The following PCSK2 variants were observed in gnomAD, a reference collection of about 807,000 sequenced individuals.
PCSK2 encodes neuroendocrine convertase 2.
In PCSK2, 14 loss-of-function variants were observed where a neutral mutation model predicts 69.7. The observed-to-expected ratio is 0.20, with a 90% CI of 0.13 to 0.31. PCSK2 has a LOEUF of 0.31. PCSK2 is among the 10% of genes least tolerant of loss of function. PCSK2 has a pLI of 1.00. For missense variants in PCSK2, 544 were observed against 842.5 expected (o/e 0.65, Z 4.39); for synonymous variants, 307 against 320.7 (o/e 0.96, Z 0.46).
At chr20:17,233,583 TCTGA>T (rs1279951787) in intron 1 of PCSK2, among the ~76,000 whole-genome samples, 1 of 152,146 alleles carries the variant, frequency 6.6e-6, no homozygotes, top group Non-Finnish European at 1.5e-5. Context: ...CCTCAGGAAA[TCTGA>T]CTGGCTAGTT....
At chr20:17,263,078 A>T in intron 2 of PCSK2, 1 of 914,066 alleles carries the variant, frequency 1.1e-6, no homozygotes, top group Non-Finnish European at 1.3e-6. Flanking sequence ...TCATCTACTG[A>T]GGTAGCTTTT....
chr20:17,326,303 CAG>C (rs1246384578), intron 2 of PCSK2, among the ~76,000 whole-genome samples: 1 of 152,128 alleles, frequency 6.6e-6, no homozygotes, highest in Non-Finnish European at 1.5e-5. Context: ...CTGTCAGAGA[CAG>C]TACTTGTCAA....
chr20:17,446,196 A>G (rs1350149799), intron 8 of PCSK2, among the ~76,000 whole-genome samples: 1 of 152,238 alleles, frequency 6.6e-6, no homozygotes, highest in Admixed American at 6.5e-5. Flanking sequence ...ATAACACAGG[A>G]TTCTGACCTC....
chr20:17,470,120 C>T lies in PCSK2; in HGVS notation c.1430+4567C>T, dbSNP rs73251902. On this transcript the variant is annotated intron_variant, in intron 11 of 11. Coordinates refer to ENST00000262545, the MANE Select transcript of PCSK2 (RefSeq NM_002594.5). ...CATAACTAACTTTACCCAAAGTCAACATGAAATGGGCGTTGACAACTGTTT... is the reference window on the plus strand; with the variant it reads ...CATAACTAACTTTACCCAAAGTCAATATGAAATGGGCGTTGACAACTGTTT... Among the ~76,000 whole-genome samples, 1,493 of 152,320 alleles carry T rather than the reference C, an allele frequency of 9.8e-3. 21 individuals carry two copies. The highest frequency in any genetic ancestry group is 0.034 in the African/African-American group (1,417 of 41,554).
At chr20:17,380,229 A>T (rs1484818802) in intron 5 of PCSK2, among the ~76,000 whole-genome samples, 2 of 152,264 alleles carry the variant, frequency 1.3e-5, no homozygotes, top group Non-Finnish European at 2.9e-5. Context: ...CTTCTTGATT[A>T]TAGTGGATAT....
intron 1 of PCSK2, among the ~76,000 whole-genome samples, chr20:17,251,057 A>G (rs1203941720): frequency 2.0e-5 from 3 of 152,118 alleles, no homozygotes; most frequent in Non-Finnish European, 4.4e-5. Context: ...CCAAGATTGC[A>G]CCACTGCACT....
At chr20:17,449,511 T>C (rs6131956) in intron 8 of PCSK2, among the ~76,000 whole-genome samples, 3,858 of 120,400 alleles carry the variant, frequency 0.032, 161 homozygotes, top group East Asian at 0.2. Flanking sequence ...AATATACATA[T>C]ATATATGTAT....
At chr20:17,362,706 C>T (rs1008117249) in intron 4 of PCSK2, among the ~76,000 whole-genome samples, 1 of 152,232 alleles carries the variant, frequency 6.6e-6, no homozygotes, top group African/African-American at 2.4e-5. Context: ...GCACCGGTAA[C>T]TCTGCCACTT....
At chr20:17,372,385 T>TAATA (rs58399065) in intron 5 of PCSK2, among the ~76,000 whole-genome samples, 25,055 of 141,754 alleles carry the variant, frequency 0.18, 2,247 homozygotes, top group Middle Eastern at 0.27. Context: ...TCTTGAAAAA[T>TAATA]AATAAATAAA....
At chr20:17,267,851 G>T (rs1456255631) in intron 2 of PCSK2, among the ~76,000 whole-genome samples, 6 of 151,838 alleles carry the variant, frequency 4.0e-5, no homozygotes, top group Non-Finnish European at 7.4e-5. Context: ...AAAATTGGTG[G>T]CTCTGTATCG....
chr20:17,444,138 G>A (rs1013727495), intron 8 of PCSK2, among the ~76,000 whole-genome samples: 4 of 152,142 alleles, frequency 2.6e-5, no homozygotes, highest in African/African-American at 9.6e-5. Flanking sequence ...CTTCTGAAAG[G>A]CAATCTTCAC....
intron 11 of PCSK2, among the ~76,000 whole-genome samples, chr20:17,468,717 G>T (rs1016140990): frequency 6.6e-6 from 1 of 150,750 alleles, no homozygotes; most frequent in Admixed American, 6.6e-5. Context: ...CACCCTCCAT[G>T]GGCCAGTGTC....
intron 2 of PCSK2, among the ~76,000 whole-genome samples, chr20:17,284,055 T>C (rs980396375): frequency 2.0e-5 from 3 of 152,208 alleles, no homozygotes; most frequent in African/African-American, 4.8e-5. Context: ...CTGACTTTTG[T>C]GGGCATTGTT....
chr20:17,344,699 A>G (rs1372984117), intron 2 of PCSK2, among the ~76,000 whole-genome samples: 1 of 152,060 alleles, frequency 6.6e-6, no homozygotes. Context: ...GTTATAGCAA[A>G]TAACTGGTGG....
intron 1 of PCSK2, among the ~76,000 whole-genome samples, chr20:17,252,705 C>A (rs1987030750): frequency 6.6e-6 from 1 of 152,188 alleles, no homozygotes. Flanking sequence ...AATCTTCCTT[C>A]CCTGTGAATT....
chr20:17,436,254 C>T (rs988519067), intron 7 of PCSK2, among the ~76,000 whole-genome samples: 3 of 152,146 alleles, frequency 2.0e-5, no homozygotes, highest in African/African-American at 7.2e-5. Context: ...CTCTCTGTCC[C>T]CTGCCCTCTG....
intron 6 of PCSK2, among the ~76,000 whole-genome samples, chr20:17,413,955 G>C (rs1257460203): frequency 6.6e-6 from 1 of 152,136 alleles, no homozygotes; most frequent in African/African-American, 2.4e-5. Flanking sequence ...CGAAATGAAG[G>C]CAGAAATAAA....
chr20:17,450,056 G>A (rs1365304000), intron 8 of PCSK2, among the ~76,000 whole-genome samples: 1 of 79,564 alleles, frequency 1.3e-5, no homozygotes, highest in Non-Finnish European at 2.5e-5. Flanking sequence ...TTGTGACGGA[G>A]TCTCACTGTC....
At chr20:17,452,167 A>C (rs2269021) in intron 8 of PCSK2, among the ~76,000 whole-genome samples, 1 of 151,956 alleles carries the variant, frequency 6.6e-6, no homozygotes. Context: ...GGCATGAACC[A>C]CCGCGCCCGG....
Sources: allele counts gnomAD v4.1 joint callset (sites outside exome capture counted in the v4.1 genomes callset), GRCh38; gene constraint gnomAD v4.1.1; transcripts MANE v1.5; gene names NCBI Gene and HGNC (gene_info 2026-07-23, HGNC 2026-07-21).